The following FAM13C variants were observed in gnomAD, a reference collection of about 807,000 sequenced individuals.
FAM13C encodes the protein family with sequence similarity 13 member C.
In FAM13C, 37 loss-of-function variants were observed where a neutral mutation model predicts 73.2. That is an observed-to-expected ratio of 0.51 (90% CI 0.39 to 0.67). The LOEUF (loss-of-function observed/expected upper bound fraction) is 0.67. Ranked by LOEUF, FAM13C falls within the 30% of genes least tolerant of loss-of-function variation. The pLI, the probability that FAM13C is intolerant of heterozygous loss-of-function variation, is 0.00. For missense variants in FAM13C, 589 were observed against 715.6 expected, an observed-to-expected ratio of 0.82 and a Z score of 2.02; for synonymous variants, 246 against 260.9, an observed-to-expected ratio of 0.94 and a Z score of 0.55.
At chr10:59,285,784 G>T (rs891931702) in intron 5 of FAM13C, among the ~76,000 whole-genome samples, 2 of 152,192 alleles carry the variant, frequency 1.3e-5, no homozygotes, top group African/African-American at 4.8e-5. Context: ...GGCAGTTAGG[G>T]TTAGATGAGG....
intron 10 of FAM13C, among the ~76,000 whole-genome samples, chr10:59,259,660 C>G (rs1170180973): frequency 1.3e-5 from 2 of 152,144 alleles, no homozygotes; most frequent in African/African-American, 4.8e-5. Context: ...TACTGAAGAG[C>G]TACATTATAG....
chr10:59,323,134 C>G (rs187878060), intron 4 of FAM13C: 58 of 152,340 alleles, frequency 3.8e-4, no homozygotes, highest in African/African-American at 1.3e-3. Context: ...TTCTAAAGGT[C>G]AGGCTCAGAA....
At chr10:59,325,936 C>A (rs1382541655) in intron 3 of FAM13C, among the ~76,000 whole-genome samples, 2 of 151,950 alleles carry the variant, frequency 1.3e-5, no homozygotes, top group Admixed American at 6.6e-5. Context: ...TTAGAAGCCT[C>A]AATATATGTA....
intron 3 of FAM13C, among the ~76,000 whole-genome samples, chr10:59,330,241 C>A (rs905172343): frequency 2.0e-5 from 3 of 152,280 alleles, no homozygotes; most frequent in African/African-American, 7.2e-5. Context: ...CACCAGATCA[C>A]ATGACTGAGC....
At chr10:59,284,772 C>A (rs775331756) in intron 5 of FAM13C, among the ~76,000 whole-genome samples, 2 of 150,708 alleles carry the variant, frequency 1.3e-5, no homozygotes, top group Admixed American at 6.6e-5. Flanking sequence ...CCACACATAC[C>A]TCATACCCTC....
intron 5 of FAM13C, among the ~76,000 whole-genome samples, chr10:59,299,900 G>C (rs1031524452): frequency 3.3e-5 from 5 of 151,890 alleles, no homozygotes; most frequent in Non-Finnish European, 5.9e-5. Flanking sequence ...TAGTCCCAGA[G>C]ACAACAAAAA....
At chr10:59,353,272 C>T (rs959713877) in intron 2 of FAM13C, among the ~76,000 whole-genome samples, 3 of 152,202 alleles carry the variant, frequency 2.0e-5, no homozygotes, top group African/African-American at 7.2e-5. Flanking sequence ...GACATGATAA[C>T]ACTCTTATTT....
Position 59,268,637 on chromosome 10 carries a change from G to A in FAM13C, c.858C>T (p.Ile286=), listed in dbSNP as rs1843352999. The part of the protein sequence containing the change: ...SCGDGKEPQT[I]TQLTKHIQSL... ...TCTGGATGTGCTTGGTGAGCTGGGT[G>A]ATGGTCTGTGGCTCCTTGCCATCTC... The change falls in exon 8 of 14, where the codon ATC becomes ATT. Residue 286 remains isoleucine (I), a synonymous_variant. Coordinates refer to ENST00000618804, the MANE Select transcript of FAM13C (RefSeq NM_198215.4). 1.9e-6 allele frequency: 3 copies of A among 1,613,446 alleles called. No individual in the cohort carries two copies. The highest frequency in any genetic ancestry group is 1.7e-5 in the Admixed American group (1 of 59,992).
chr10:59,270,124 C>T lies in FAM13C; in HGVS notation c.593-15G>A, dbSNP rs769207376. On this transcript the variant is annotated splice_polypyrimidine_tract_variant and intron_variant, in intron 6 of 13. Coordinates refer to ENST00000618804, the MANE Select transcript of FAM13C (RefSeq NM_198215.4). ...TGGTGAGGGGTCTGGGCAAATGAGA[C>T]AAATCATCAAGACTTAGAAGTGACA... The T allele has an allele frequency of 1.9e-6, 3 of 1,609,526 alleles. No homozygotes were observed. Among genetic ancestry groups the T allele is most frequent in the Non-Finnish European group, 2.5e-6 (3 of 1,177,678 alleles).
At chr10:59,354,905 TCAAA>T (rs746729693) in intron 2 of FAM13C, among the ~76,000 whole-genome samples, 10 of 151,992 alleles carry the variant, frequency 6.6e-5, no homozygotes, top group Non-Finnish European at 1.5e-4. Context: ...TTCCTGCAAC[TCAAA>T]CAATTCTCTC....
At chr10:59,295,891 TAA>T (rs1846858955) in intron 5 of FAM13C, among the ~76,000 whole-genome samples, 1 of 152,218 alleles carries the variant, frequency 6.6e-6, no homozygotes, top group Non-Finnish European at 1.5e-5. Flanking sequence ...ATCCTGATCC[TAA>T]GTTTTCTGCT....
chr10:59,283,243 G>C (rs1316879382), intron 6 of FAM13C, 120 bp downstream of exon 6: 1 of 1,027,136 alleles, frequency 9.7e-7, no homozygotes, highest in Non-Finnish European at 1.5e-6. Context: ...AGCACCTCTT[G>C]GGCTTTCATG....
intron 4 of FAM13C, among the ~76,000 whole-genome samples, chr10:59,313,452 C>T (rs1016317317): frequency 6.6e-6 from 1 of 152,176 alleles, no homozygotes; most frequent in Non-Finnish European, 1.5e-5. Flanking sequence ...TGACCACTTT[C>T]TTGATCCCCA....
intron 6 of FAM13C, chr10:59,282,616 TG>T (rs898904788): frequency 6.6e-6 from 1 of 152,150 alleles, no homozygotes; most frequent in Non-Finnish European, 1.5e-5. Context: ...ACCATTTATC[TG>T]GAAACCAGTC....
intron 4 of FAM13C, among the ~76,000 whole-genome samples, chr10:59,319,768 G>T (rs1197620613): frequency 6.6e-6 from 1 of 152,172 alleles, no homozygotes; most frequent in Non-Finnish European, 1.5e-5. Flanking sequence ...GATTACTAAA[G>T]TTTCTTCCAG....
chr10:59,265,306 A>T (rs1384004346), intron 8 of FAM13C, among the ~76,000 whole-genome samples: 4 of 29,676 alleles, frequency 1.3e-4, no homozygotes, highest in African/African-American at 5.3e-4. Flanking sequence ...GCAGAGGGAT[A>T]GGGAAGGGGT....
intron 1 of FAM13C, among the ~76,000 whole-genome samples, chr10:59,359,768 C>T (rs548543615): frequency 6.6e-6 from 1 of 152,232 alleles, no homozygotes. Context: ...TCTGGGTTCC[C>T]ACTTTGAGAT....
At chr10:59,289,150 T>TA (rs1448548769) in intron 5 of FAM13C, among the ~76,000 whole-genome samples, 1 of 152,204 alleles carries the variant, frequency 6.6e-6, no homozygotes, top group Non-Finnish European at 1.5e-5. Context: ...GCACGCAACA[T>TA]AGATTCCTCG....
chr10:59,337,665 T>C (rs1298709699), intron 3 of FAM13C, among the ~76,000 whole-genome samples: 1 of 109,838 alleles, frequency 9.1e-6, no homozygotes, highest in East Asian at 2.8e-4. Context: ...TTTTTTCTTT[T>C]TCTTTTTTTT....
Sources: allele counts gnomAD v4.1 joint callset (sites outside exome capture counted in the v4.1 genomes callset), GRCh38; gene constraint gnomAD v4.1.1; transcripts MANE v1.5; gene names NCBI Gene and HGNC (gene_info 2026-07-23, HGNC 2026-07-21).